DLC1: variants seen among roughly 807,000 people sequenced by gnomAD.
DLC1 encodes rho GTPase-activating protein 7.
Under a neutral mutation model 140.3 loss-of-function variants are expected in DLC1, and 54 were observed. The ratio of observed to expected loss-of-function variants is 0.38; its 90% CI spans 0.31 to 0.48. The LOEUF is 0.48. DLC1 is among the 20% of genes least tolerant of loss of function. The pLI, the probability that DLC1 is intolerant of heterozygous loss-of-function variation, is 0.96. For synonymous variants in DLC1, 986 were observed against 728.1 expected (o/e 1.35, Z -5.70); for missense variants, 2,536 against 1,907.0 (o/e 1.33, Z -6.14).
Position 13,085,867 on chromosome 8 carries a change from T to C in DLC1, c.4531A>G (p.Ile1511Val). The stretch of plus-strand genomic sequence containing the variant: ...TTCTGGTTACTGAAGGAATCCCGGA[T>C]CTTTACAACTTCAGCTGCACACAAA... Reference protein sequence around the residue: ...GHLCAAEVVKIRDSFSNQNTE... With the variant: ...GHLCAAEVVKVRDSFSNQNTE... Residue 1511 changes from isoleucine (I) to valine (V), a missense_variant, in exon 18 of 18, where the codon ATC becomes GTC. Ile to Val is a conservative substitution (Grantham distance 29). Transcript: ENST00000276297. 6.2e-7 allele frequency: 1 copy of C among 1,614,184 alleles called. No individual in the cohort carries two copies. Among genetic ancestry groups the C allele is most frequent in the Non-Finnish European group, 8.5e-7 (1 of 1,180,026 alleles).
chr8:13,470,881 A>G (rs1165623820), intron 2 of DLC1, among the ~76,000 whole-genome samples: 1 of 152,222 alleles, frequency 6.6e-6, no homozygotes, highest in Non-Finnish European at 1.5e-5. Flanking sequence ...CCATCAATGA[A>G]TGAATGGACA....
intron 4 of DLC1, among the ~76,000 whole-genome samples, chr8:13,362,194 C>T (rs1272484658): frequency 6.6e-6 from 1 of 152,142 alleles, no homozygotes; most frequent in Non-Finnish European, 1.5e-5. Flanking sequence ...AAGACAACAT[C>T]TGCAGGGAAG....
At position 13,095,075 on chromosome 8, in the gene DLC1, A is replaced by G. The variant is rs1454366163; in HGVS notation, c.3327+11T>C. On this transcript the variant is annotated intron_variant, in intron 11 of 17. Transcript: ENST00000276297. ...CCCCTGAGTACGTGGACCCGCAGGCAGCGCTCTCACCTGATCCAAACAATG... is the reference window on the plus strand; with the variant it reads ...CCCCTGAGTACGTGGACCCGCAGGCGGCGCTCTCACCTGATCCAAACAATG... The G allele has an allele frequency of 6.2e-7, 1 of 1,613,960 alleles. No individual in the cohort carries two copies.
intron 1 of DLC1, among the ~76,000 whole-genome samples, chr8:13,501,894 C>T (rs1247101715): frequency 6.6e-6 from 1 of 152,150 alleles, no homozygotes; most frequent in Non-Finnish European, 1.5e-5. Context: ...CAGAAAATTT[C>T]TGCTTTCATG....
intron 2 of DLC1, among the ~76,000 whole-genome samples, chr8:13,429,071 G>A (rs1288278033): frequency 6.6e-6 from 1 of 152,168 alleles, no homozygotes; most frequent in Non-Finnish European, 1.5e-5. Context: ...TACGATTAAA[G>A]GGATGAACAA....
chr8:13,537,688 C>T (rs532018554), intron 1 of DLC1, among the ~76,000 whole-genome samples: 19 of 126,104 alleles, frequency 1.5e-4, no homozygotes, highest in African/African-American at 5.8e-4. Flanking sequence ...GAGTCTCTCT[C>T]TGTCACCCAG....
intron 5 of DLC1, among the ~76,000 whole-genome samples, chr8:13,125,787 A>G (rs898194308): frequency 6.6e-6 from 1 of 151,794 alleles, no homozygotes; most frequent in Non-Finnish European, 1.5e-5. Context: ...ATACATATAC[A>G]GCTTTCTATT....
intron 1 of DLC1, among the ~76,000 whole-genome samples, chr8:13,560,879 C>T (rs888677320): frequency 6.6e-6 from 1 of 152,006 alleles, no homozygotes; most frequent in East Asian, 1.9e-4. Flanking sequence ...TGGAACAGAT[C>T]CTCCCCTCAC....
chr8:13,222,863 C>T (rs1828622527), intron 5 of DLC1, among the ~76,000 whole-genome samples: 1 of 152,124 alleles, frequency 6.6e-6, no homozygotes, highest in South Asian at 2.1e-4. Flanking sequence ...CCCACCTCAG[C>T]CTCCCCAGTC....
rs944679418 is a variant in DLC1, at chr8:13,306,126, A to G, written c.1315-824T>C. 2.0e-5 allele frequency among the ~76,000 whole-genome samples: 3 copies of G among 152,210 alleles called. No individual in the cohort carries two copies. In the East Asian group the frequency reaches 5.8e-4, roughly 29 times the overall value. On this transcript the variant is annotated intron_variant, in intron 4 of 17. Transcript: ENST00000276297. ...AAAGGAAGCAGCCTCTATAAAGCGT[A>G]CCAGATCTTCAGGGAAAAGCCACTC...
intron 5 of DLC1, among the ~76,000 whole-genome samples, chr8:13,267,588 A>G (rs918532655): frequency 1.3e-5 from 2 of 152,228 alleles, no homozygotes; most frequent in Non-Finnish European, 2.9e-5. Flanking sequence ...AAGTCTAGAC[A>G]CCATAAAATG....
At chr8:13,282,271 C>G (rs1831389681) in intron 5 of DLC1, among the ~76,000 whole-genome samples, 1 of 152,152 alleles carries the variant, frequency 6.6e-6, no homozygotes, top group South Asian at 2.1e-4. Context: ...TCCTCTCGAT[C>G]ATTTCTTTTC....
At chr8:13,445,062 A>G (rs1303681265) in intron 2 of DLC1, among the ~76,000 whole-genome samples, 1 of 152,088 alleles carries the variant, frequency 6.6e-6, no homozygotes, top group Non-Finnish European at 1.5e-5. Context: ...GGAAGCAGAG[A>G]GACACAGCAG....
chr8:13,238,102 C>T (rs1446250483), intron 5 of DLC1, among the ~76,000 whole-genome samples: 1 of 152,076 alleles, frequency 6.6e-6, no homozygotes, highest in Non-Finnish European at 1.5e-5. Context: ...AAATCCAGTT[C>T]CTCATGTGTG....
chr8:13,370,462 G>A (rs1007870027), intron 4 of DLC1, among the ~76,000 whole-genome samples: 5 of 152,068 alleles, frequency 3.3e-5, no homozygotes, highest in East Asian at 1.9e-4. Flanking sequence ...AAAACCACCT[G>A]TCTGTGGGTT....
intron 5 of DLC1, among the ~76,000 whole-genome samples, chr8:13,146,975 A>G (rs576229989): frequency 1.8e-4 from 27 of 152,284 alleles, no homozygotes; most frequent in Admixed American, 5.9e-4. Flanking sequence ...ATCAATCTAA[A>G]TTTAGGCAAG....
At chr8:13,533,634 C>T (rs899778150) in intron 1 of DLC1, among the ~76,000 whole-genome samples, 1 of 152,138 alleles carries the variant, frequency 6.6e-6, no homozygotes, top group Non-Finnish European at 1.5e-5. Context: ...GAATCAAAGT[C>T]ATTTATTTCC....
intron 2 of DLC1, among the ~76,000 whole-genome samples, chr8:13,419,076 CTT>C (rs1260550725): frequency 1.3e-5 from 2 of 152,038 alleles, no homozygotes; most frequent in African/African-American, 2.4e-5. Context: ...TATCCTGAGA[CTT>C]TGCTGAAGTT....
intron 4 of DLC1, among the ~76,000 whole-genome samples, chr8:13,362,755 C>G (rs1835292054): frequency 6.6e-6 from 1 of 152,126 alleles, no homozygotes; most frequent in South Asian, 2.1e-4. Flanking sequence ...CACACTGGCC[C>G]CTTCCCGTTC....
Sources: allele counts gnomAD v4.1 joint callset (sites outside exome capture counted in the v4.1 genomes callset), GRCh38; gene constraint gnomAD v4.1.1; transcripts MANE v1.5; gene names NCBI Gene and HGNC (gene_info 2026-07-23, HGNC 2026-07-21).